The following BCL7B variants were observed in gnomAD, a reference collection of about 807,000 sequenced individuals.
BCL7B encodes B-cell CLL/lymphoma 7 protein family member B.
In BCL7B, 11 loss-of-function variants were observed where a neutral mutation model predicts 26.5. The ratio of observed to expected loss-of-function variants is 0.42; its 90% CI spans 0.26 to 0.69. The LOEUF (loss-of-function observed/expected upper bound fraction) is 0.69. BCL7B is among the 30% of genes least tolerant of loss of function. BCL7B has a pLI of 0.28. For synonymous variants in BCL7B, 111 were observed against 107.9 expected (o/e 1.03, Z -0.18); for missense variants, 215 against 264.4 (o/e 0.81, Z 1.30).
Position 73,557,568 on chromosome 7 carries a change from C to G in BCL7B, c.11G>C (p.Arg4Pro). 1 of 1,354,072 alleles carries G rather than the reference C, an allele frequency of 7.4e-7. No individual in the cohort carries two copies. The highest frequency in any genetic ancestry group is 3.1e-5 in the East Asian group (1 of 32,388). 83.9% of individuals were successfully genotyped at this position (1,354,072 alleles called of 1,614,324 possible). A position where few individuals can be genotyped will look rare whatever the true frequency, so the allele number is the denominator to read the frequency against. ...GCTGCGGGTCTCCGCCCGGACCGAC[C>G]GGCCCGACATGGCGGCGGCGGGAGC... The part of the protein sequence containing the change: MSG[R>P]SVRAETRSRA... Residue 4 changes from arginine to proline, a missense_variant, in exon 1 of 6, where the codon CGG becomes CCG. Coordinates refer to ENST00000223368, the MANE Select transcript of BCL7B (RefSeq NM_001707.4).
intron 2 of BCL7B, among the ~76,000 whole-genome samples, chr7:73,545,027 T>TG (rs2115771419): frequency 6.6e-6 from 1 of 151,280 alleles, no homozygotes; most frequent in Admixed American, 6.6e-5. Context: ...CACTCCAACC[T>TG]GGGCAACACA....
At position 73,540,029 on chromosome 7, in the gene BCL7B, C is replaced by A. The variant is rs146655849; in HGVS notation, c.289G>T (p.Val97Leu). The A allele has an allele frequency of 2.5e-5, 41 of 1,613,950 alleles. No individual in the cohort carries two copies. The African/African-American group carries it at 5.2e-4, about 20-fold the overall frequency. ...FQDENSNQSS[V>L]SDVYQLKVDS... ...ACCTTAAGCTGATAGACGTCAGACA[C>A]GGAACTCTGGTTGCTGTTTTCGTCT... Residue 97 changes from valine to leucine, a missense_variant, in exon 4 of 6, where the codon GTG (valine) becomes TTG (leucine). Transcript: ENST00000223368.
chr7:73,537,436 C>A (rs200214637), intron 5 of BCL7B, 46 bp from the exon 6 acceptor site: 1 of 1,462,182 alleles, frequency 6.8e-7, no homozygotes. Context: ...CCCTCCCAAC[C>A]AGAACCTTCC....
chr7:73,548,666 C>T (rs112979760), intron 2 of BCL7B, among the ~76,000 whole-genome samples: 3 of 152,104 alleles, frequency 2.0e-5, no homozygotes, highest in Admixed American at 6.6e-5. Flanking sequence ...CACAGTGGCT[C>T]ACGCCTGTAA....
chr7:73,546,040 G>A (rs1466919452), intron 2 of BCL7B, among the ~76,000 whole-genome samples: 3 of 151,140 alleles, frequency 2.0e-5, no homozygotes, highest in Non-Finnish European at 4.4e-5. Context: ...GCTGAGGCAG[G>A]AGAATGGCGT....
At chr7:73,545,913 C>T (rs533317967) in intron 2 of BCL7B, among the ~76,000 whole-genome samples, 92 of 151,996 alleles carry the variant, frequency 6.1e-4, no homozygotes, top group Non-Finnish European at 1.2e-3. Flanking sequence ...GGGCCGATCA[C>T]GAGGTCAGGA....
At position 73,537,221 on chromosome 7, in the gene BCL7B, C is replaced by A; in HGVS notation, c.*77G>T. ...CTCTTGACCCCAGTGCTTGCCCTTACCCCAGCAACGCGGCGCGGCCAGAAC... is the reference window on the plus strand; with the variant it reads ...CTCTTGACCCCAGTGCTTGCCCTTAACCCAGCAACGCGGCGCGGCCAGAAC... On this transcript the variant is annotated 3_prime_UTR_variant, in exon 6 of 6. Transcript: ENST00000223368. 3 of 1,462,222 alleles carry A rather than the reference C, an allele frequency of 2.1e-6. No individual in the cohort carries two copies. The South Asian group carries it at 3.5e-5, about 17-fold the overall frequency. 90.6% of individuals were successfully genotyped at this position (1,462,222 alleles called of 1,614,324 possible). A position where few individuals can be genotyped will look rare whatever the true frequency, so the allele number is the denominator to read the frequency against.
Position 73,540,050 on chromosome 7 carries a change from C to T in BCL7B, c.268G>A (p.Glu90Lys). The change falls in exon 4 of 6, where the codon GAA becomes AAA. Residue 90 changes from glutamate (E) to lysine (K), a missense_variant and splice_region_variant. By Grantham distance (56) the Glu-to-Lys change is moderately conservative. Transcript: ENST00000223368. ...NSSLLLEFQD[E>K]NSNQSSVSDV... Reference sequence around the variant, plus strand: ...GACACGGAACTCTGGTTGCTGTTTTCGTCTGAAAACCAAACAGAACAAAGG... The same window carrying T: ...GACACGGAACTCTGGTTGCTGTTTTTGTCTGAAAACCAAACAGAACAAAGG... 2.5e-6 allele frequency: 4 copies of T among 1,613,254 alleles called. No homozygotes were observed. The highest frequency in any genetic ancestry group is 1.7e-5 in the Admixed American group (1 of 59,814).
chr7:73,539,816 G>A (rs1791685564), intron 4 of BCL7B, 66 bp downstream of exon 4: 13 of 1,570,820 alleles, frequency 8.3e-6, no homozygotes, highest in South Asian at 2.3e-5. Flanking sequence ...CTCTAAAGAC[G>A]AGACACAACA....
chr7:73,549,469 A>T (rs1386230734), intron 2 of BCL7B, among the ~76,000 whole-genome samples: 5 of 152,120 alleles, frequency 3.3e-5, no homozygotes, highest in Non-Finnish European at 5.9e-5. Flanking sequence ...TGAGCCCAAA[A>T]GTTCAAATCC....
chr7:73,539,598 A>G (rs1483120536), intron 4 of BCL7B: 1 of 370,072 alleles, frequency 2.7e-6, no homozygotes, highest in Admixed American at 3.7e-5. Flanking sequence ...CTCATCTGTA[A>G]AAGAAGACAA....
intron 5 of BCL7B, 66 bp downstream of exon 5, chr7:73,537,868 G>C (rs577462490): frequency 1.6e-6 from 2 of 1,219,490 alleles, no homozygotes; most frequent in African/African-American, 1.5e-5. Context: ...TCTAGTCTGG[G>C]CAACAGCGAG....
intron 4 of BCL7B, chr7:73,539,590 C>T: frequency 5.8e-6 from 2 of 344,854 alleles, no homozygotes; most frequent in Non-Finnish European, 1.1e-5. Context: ...CCATTTTCCT[C>T]ATCTGTAAAA....
Position 73,536,682 on chromosome 7 carries a change from C to G in BCL7B, c.*616G>C, listed in dbSNP as rs540862201. 2 of 152,702 alleles carry G rather than the reference C, an allele frequency of 1.3e-5. No individual in the cohort carries two copies. The highest frequency in any genetic ancestry group is 4.8e-5 in the African/African-American group (2 of 41,438). The allele number at this position is 152,702 out of a possible 1,614,324, so 9.5% of individuals were successfully genotyped here. ...GTGTGCTGAGGGCAGGGGATGGGGA[C>G]GGCGGCCACAAAGGGCTGTCAGCAG... On this transcript the variant is annotated 3_prime_UTR_variant, in exon 6 of 6. Coordinates refer to ENST00000223368, the MANE Select transcript of BCL7B (RefSeq NM_001707.4).
chr7:73,548,620 A>AAAT (rs1304479794), intron 2 of BCL7B, among the ~76,000 whole-genome samples: 7 of 151,760 alleles, frequency 4.6e-5, no homozygotes, highest in South Asian at 4.2e-4. Context: ...GTGTCTTACA[A>AAAT]AATAATAATA....
chr7:73,557,386 C>G (rs2115846540), intron 1 of BCL7B, 101 bp downstream of exon 1: 3 of 1,184,158 alleles, frequency 2.5e-6, no homozygotes, highest in East Asian at 7.2e-5. Flanking sequence ...ACCCCCCTCC[C>G]CCAGCGCCGG....
rs61734974 is a variant in BCL7B at position 73,537,355 on chromosome 7, G to A, written c.552C>T (p.Pro184=). Residue 184 remains proline (P), a synonymous_variant, in exon 6 of 6, where the codon CCC becomes CCT. Coordinates refer to ENST00000223368, the MANE Select transcript of BCL7B (RefSeq NM_001707.4). ...VEEEEDSGAP[P]LKRFCVDQPT... is the part of the protein sequence containing the mutation. ...GTTGGTCCACACAGAAGCGCTTCAG[G>A]GGCGGGGCACCTGAGTCTTCCTCTT... is the stretch of plus-strand genomic sequence containing the variant. 1.8e-4 allele frequency: 295 copies of A among 1,614,146 alleles called. No individual in the cohort carries two copies. In the African/African-American group the frequency reaches 3.6e-3, roughly 19 times the overall value.
chr7:73,548,305 G>A (rs190409894), intron 2 of BCL7B, among the ~76,000 whole-genome samples: 5 of 152,236 alleles, frequency 3.3e-5, no homozygotes, highest in African/African-American at 1.2e-4. Context: ...GTGTGTGCCT[G>A]TAATCCCAAC....
At chr7:73,540,829 C>CAAAAAAAAAAAA (rs56111929) in intron 3 of BCL7B, among the ~76,000 whole-genome samples, 1 of 50,942 alleles carries the variant, frequency 2.0e-5, no homozygotes, top group African/African-American at 8.1e-5. Context: ...GACTCTGTCT[C>CAAAAAAAAAAAA]AAAAAAAAAA....
Sources: allele counts gnomAD v4.1 joint callset (sites outside exome capture counted in the v4.1 genomes callset), GRCh38; gene constraint gnomAD v4.1.1; transcripts MANE v1.5; gene names NCBI Gene and HGNC (gene_info 2026-07-23, HGNC 2026-07-21).